The following DGKI variants were observed in gnomAD, a reference collection of about 807,000 sequenced individuals.
The protein encoded by DGKI is diacylglycerol kinase iota.
A neutral mutation model predicts 147.5 loss-of-function variants in DGKI; 55 were observed. The ratio of observed to expected loss-of-function variants is 0.37; its 90% CI spans 0.30 to 0.47. DGKI has a LOEUF of 0.47. Ranked by LOEUF, DGKI falls within the 20% of genes least tolerant of loss-of-function variation. The pLI is 1.00. For missense variants in DGKI, 1,007 were observed against 1,323.8 expected (o/e 0.76, Z 3.71); for synonymous variants, 469 against 477.1 (o/e 0.98, Z 0.22).
intron 30 of DGKI, among the ~76,000 whole-genome samples, chr7:137,407,151 T>C (rs1031767708): frequency 2.0e-5 from 3 of 152,234 alleles, no homozygotes; most frequent in Admixed American, 1.3e-4. Context: ...TTCCCCTTTA[T>C]TCCTGTTCTT....
At chr7:137,762,782 A>G (rs1171530587) in intron 1 of DGKI, among the ~76,000 whole-genome samples, 1 of 152,192 alleles carries the variant, frequency 6.6e-6, no homozygotes, top group Non-Finnish European at 1.5e-5. Context: ...GACCTCCACC[A>G]AAGTATTACA....
At chr7:137,547,352 AAT>A (rs1563078851) in intron 20 of DGKI, among the ~76,000 whole-genome samples, 1 of 152,208 alleles carries the variant, frequency 6.6e-6, no homozygotes, top group Non-Finnish European at 1.5e-5. Context: ...TAAGCCAAGA[AAT>A]ATTTTTTAGA....
intron 1 of DGKI, among the ~76,000 whole-genome samples, chr7:137,745,434 T>G (rs1391540783): frequency 2.0e-5 from 3 of 152,230 alleles, no homozygotes; most frequent in Non-Finnish European, 4.4e-5. Flanking sequence ...AAATATTAAA[T>G]GGAAAATTCC....
intron 1 of DGKI, among the ~76,000 whole-genome samples, chr7:137,699,647 A>C (rs2116503711): frequency 6.6e-6 from 1 of 152,326 alleles, no homozygotes; most frequent in East Asian, 1.9e-4. Flanking sequence ...TAAGAACATA[A>C]GCCTTTTGGG....
chr7:137,753,640 G>A (rs1307589629), intron 1 of DGKI, among the ~76,000 whole-genome samples: 4 of 152,116 alleles, frequency 2.6e-5, no homozygotes, highest in African/African-American at 9.7e-5. Flanking sequence ...TAATTAATTT[G>A]CTTTCCACTC....
intron 1 of DGKI, among the ~76,000 whole-genome samples, chr7:137,796,296 A>T (rs1047863848): frequency 6.6e-6 from 1 of 152,120 alleles, no homozygotes; most frequent in Admixed American, 6.5e-5. Flanking sequence ...TCAAGAGTTC[A>T]AGACCAGCCT....
intron 19 of DGKI, among the ~76,000 whole-genome samples, chr7:137,564,289 A>G (rs988234351): frequency 1.3e-5 from 2 of 152,196 alleles, no homozygotes; most frequent in Non-Finnish European, 2.9e-5. Context: ...AAGAAAATAT[A>G]GGAGAATGGC....
At position 137,623,968 on chromosome 7, in the gene DGKI, GA is replaced by G. The variant is rs367767351; in HGVS notation, c.805-415del. Among the ~76,000 whole-genome samples, 1,309 of 143,916 alleles carry G rather than the reference GA, an allele frequency of 9.1e-3. 24 individuals are homozygous for G. The highest frequency in any genetic ancestry group is 0.031 in the African/African-American group (1,207 of 39,522). The allele number at this position is 143,916 out of a possible 152,430, so 94.4% of individuals were successfully genotyped here. A position where few individuals can be genotyped will look rare whatever the true frequency, so the allele number is the denominator to read the frequency against. The stretch of plus-strand genomic sequence containing the variant: ...TACAACTTTAGCATCCGAGAACCCA[GA>G]AAAAAAAAAAGAAATGAAATATCAG... On this transcript the variant is annotated intron_variant, in intron 6 of 32. Transcript: ENST00000614521.
At chr7:137,412,057 A>AGT (rs1812182336) in intron 29 of DGKI, 113 bp downstream of exon 29, 2 of 1,018,952 alleles carry the variant, frequency 2.0e-6, no homozygotes, top group African/African-American at 3.2e-5. Flanking sequence ...CTACCCAGCC[A>AGT]GTGCAAGCAG....
intron 1 of DGKI, among the ~76,000 whole-genome samples, chr7:137,791,696 G>A (rs982700430): frequency 2.6e-5 from 4 of 152,174 alleles, no homozygotes; most frequent in African/African-American, 9.7e-5. Flanking sequence ...GCTAGATAAC[G>A]AATTTAATTC....
intron 1 of DGKI, among the ~76,000 whole-genome samples, chr7:137,721,287 T>A (rs1794549192): frequency 6.6e-6 from 1 of 152,244 alleles, no homozygotes; most frequent in Non-Finnish European, 1.5e-5. Context: ...AAGGCTTGTG[T>A]GTCTGTACTA....
chr7:137,617,499 GCTAT>G (rs1820576181), intron 8 of DGKI, among the ~76,000 whole-genome samples: 1 of 152,032 alleles, frequency 6.6e-6, no homozygotes, highest in Non-Finnish European at 1.5e-5. Context: ...TTTTTTTAAT[GCTAT>G]CTTTTACAGA....
At chr7:137,709,777 A>T (rs147743125) in intron 1 of DGKI, among the ~76,000 whole-genome samples, 1 of 152,258 alleles carries the variant, frequency 6.6e-6, no homozygotes, top group East Asian at 1.9e-4. Flanking sequence ...CAGAAAACTG[A>T]AATTATCATA....
intron 10 of DGKI, among the ~76,000 whole-genome samples, chr7:137,603,601 G>A (rs1163248971): frequency 6.6e-6 from 1 of 152,194 alleles, no homozygotes; most frequent in Non-Finnish European, 1.5e-5. Flanking sequence ...CCAAAGATGG[G>A]AACTTCTCTG....
chr7:137,619,181 T>G (rs573416059), intron 8 of DGKI, among the ~76,000 whole-genome samples: 1 of 152,282 alleles, frequency 6.6e-6, no homozygotes, highest in Non-Finnish European at 1.5e-5. Context: ...CAGAAACATT[T>G]TATTTCAAAG....
At chr7:137,543,630 G>A (rs1398662315) in intron 20 of DGKI, among the ~76,000 whole-genome samples, 4 of 152,060 alleles carry the variant, frequency 2.6e-5, no homozygotes, top group Non-Finnish European at 5.9e-5. Flanking sequence ...CCAAAGAAAA[G>A]ACCATCTGTA....
At chr7:137,710,225 C>G (rs1490479942) in intron 1 of DGKI, among the ~76,000 whole-genome samples, 6 of 152,036 alleles carry the variant, frequency 3.9e-5, no homozygotes, top group Admixed American at 3.9e-4. Flanking sequence ...ATTTATGGAT[C>G]CATACAATTT....
At chr7:137,427,653 G>T (rs536504988) in intron 28 of DGKI, among the ~76,000 whole-genome samples, 1,758 of 152,014 alleles carry the variant, frequency 0.012, 31 homozygotes, top group African/African-American at 0.04. Context: ...TAGACCACTA[G>T]CAAGACTAAT....
At chr7:137,782,475 G>T (rs1212389113) in intron 1 of DGKI, among the ~76,000 whole-genome samples, 1 of 152,088 alleles carries the variant, frequency 6.6e-6, no homozygotes, top group Non-Finnish European at 1.5e-5. Context: ...GCTAAGACAC[G>T]CCTAGCCCTG....
Sources: allele counts gnomAD v4.1 joint callset (sites outside exome capture counted in the v4.1 genomes callset), GRCh38; gene constraint gnomAD v4.1.1; transcripts MANE v1.5; gene names NCBI Gene and HGNC (gene_info 2026-07-23, HGNC 2026-07-21).